The following MBD5 variants were observed in gnomAD, a reference collection of about 807,000 sequenced individuals.
MBD5 encodes the protein methyl-CpG-binding domain protein 5.
In MBD5, 13 loss-of-function variants were observed where a neutral mutation model predicts 117.3. The observed-to-expected ratio is 0.11, with a 90% confidence interval of 0.07 to 0.18. MBD5 has a LOEUF of 0.18. MBD5 is among the 10% of genes least tolerant of loss of function. The pLI, the probability that MBD5 is intolerant of heterozygous loss-of-function variation, is 1.00. For missense variants in MBD5, 1,879 were observed against 2,093.8 expected (o/e 0.90, Z 2.00); for synonymous variants, 727 against 766.4 (o/e 0.95, Z 0.85).
At chr2:148,123,087 C>G (rs62183891) in intron 1 of MBD5, among the ~76,000 whole-genome samples, 1 of 152,174 alleles carries the variant, frequency 6.6e-6, no homozygotes, top group African/African-American at 2.4e-5. Flanking sequence ...TATCTTTTAC[C>G]TCCAATCCTA....
At chr2:148,244,912 A>C (rs1350728734) in intron 3 of MBD5, among the ~76,000 whole-genome samples, 1 of 152,180 alleles carries the variant, frequency 6.6e-6, no homozygotes, top group Non-Finnish European at 1.5e-5. Context: ...AACTGTAAAA[A>C]GTTACTACAT....
rs567216360 is a variant in MBD5, at chr2:148,034,739, CATT to C, written c.-925+13056_-925+13058del. Among the ~76,000 whole-genome samples, 203 of 152,268 alleles carry C rather than the reference CATT, an allele frequency of 1.3e-3. 1 individual carries two copies. Among genetic ancestry groups the C allele is most frequent in the African/African-American group, 4.5e-3 (187 of 41,560 alleles). ...AAGAATACAAAAGTGAGACAAACAT[CATT>C]TTCTTTTGTTGCATCCTTAGCGGCT... On this transcript the variant is annotated intron_variant, in intron 1 of 13. Coordinates refer to ENST00000642680, the MANE Select transcript of MBD5 (RefSeq NM_001378120.1).
intron 7 of MBD5, 36 bp from the exon 8 acceptor site, chr2:148,468,305 C>T (rs1388323427): frequency 6.4e-7 from 1 of 1,573,380 alleles, no homozygotes; most frequent in East Asian, 2.2e-5. Flanking sequence ...AGAGTTGAGA[C>T]TGTTAACAGA....
At chr2:148,376,619 A>C (rs1261690060) in intron 4 of MBD5, among the ~76,000 whole-genome samples, 4 of 148,448 alleles carry the variant, frequency 2.7e-5, no homozygotes, top group Non-Finnish European at 5.9e-5. Flanking sequence ...TATGAAGAAA[A>C]AAATTGTCTT....
intron 1 of MBD5, among the ~76,000 whole-genome samples, chr2:148,081,195 T>C (rs1396559555): frequency 1.3e-5 from 2 of 152,172 alleles, no homozygotes; most frequent in African/African-American, 2.4e-5. Context: ...AAATGTTAAC[T>C]TGTTTATTGT....
chr2:148,322,849 T>C (rs983209079), intron 3 of MBD5, among the ~76,000 whole-genome samples: 1 of 151,900 alleles, frequency 6.6e-6, no homozygotes, highest in African/African-American at 2.4e-5. Flanking sequence ...TATTTATTTA[T>C]TTATTATTAT....
intron 2 of MBD5, among the ~76,000 whole-genome samples, chr2:148,216,953 T>A (rs1317361568): frequency 6.6e-6 from 1 of 152,212 alleles, no homozygotes; most frequent in African/African-American, 2.4e-5. Context: ...AAAATAGGCA[T>A]CTGACAAAAG....
chr2:148,023,238 T>C, intron 1 of MBD5, among the ~76,000 whole-genome samples: 1 of 152,138 alleles, frequency 6.6e-6, no homozygotes, highest in East Asian at 1.9e-4. Flanking sequence ...GAAATATAAA[T>C]CTAGAAGGAT....
chr2:148,510,015 T>A (rs1682169311), intron 12 of MBD5, 45 bp from the exon 13 acceptor site: 2 of 1,425,536 alleles, frequency 1.4e-6, no homozygotes, highest in African/African-American at 2.8e-5. Context: ...TTGAGTTTTG[T>A]TTCTTTAATT....
chr2:148,090,528 A>G (rs1235372968), intron 1 of MBD5, among the ~76,000 whole-genome samples: 1 of 152,140 alleles, frequency 6.6e-6, no homozygotes, highest in African/African-American at 2.4e-5. Context: ...GGATGCAGGG[A>G]TGGTTTAACA....
intron 3 of MBD5, among the ~76,000 whole-genome samples, chr2:148,287,055 A>G (rs1701383608): frequency 6.6e-6 from 1 of 152,030 alleles, no homozygotes; most frequent in Non-Finnish European, 1.5e-5. Flanking sequence ...TTTTTGCAAA[A>G]ATATTCAGAG....
At chr2:148,427,139 A>AAC (rs1705820618) in intron 4 of MBD5, among the ~76,000 whole-genome samples, 1 of 152,196 alleles carries the variant, frequency 6.6e-6, no homozygotes. Context: ...AATCATTAAA[A>AAC]AGTCAGGAAA....
rs751437661 is a variant in MBD5, at chr2:148,228,631, GT to G, written c.-830-4612del. On this transcript the variant is annotated intron_variant, in intron 2 of 13. Transcript: ENST00000642680. Reference sequence around the variant, plus strand: ...GGATGATGCTGGCCTCATAAAATGAGTTAGGGAGGATTCCCTCTTTTTCTGT... The same window carrying G: ...GGATGATGCTGGCCTCATAAAATGAGTAGGGAGGATTCCCTCTTTTTCTGT... 7.2e-5 allele frequency among the ~76,000 whole-genome samples: 11 copies of G among 152,330 alleles called. No individual in the cohort carries two copies. The South Asian group carries it at 1.9e-3, about 26-fold the overall frequency.
intron 3 of MBD5, among the ~76,000 whole-genome samples, chr2:148,335,815 A>G (rs1236586329): frequency 6.6e-6 from 1 of 152,214 alleles, no homozygotes; most frequent in Non-Finnish European, 1.5e-5. Context: ...TGCTTTGTAT[A>G]TTTTATTGTC....
intron 1 of MBD5, among the ~76,000 whole-genome samples, chr2:148,067,913 G>A (rs545535595): frequency 1.3e-5 from 2 of 152,212 alleles, no homozygotes; most frequent in Non-Finnish European, 2.9e-5. Context: ...GATAAGGGTA[G>A]TATGTCAACT....
chr2:148,222,602 T>A (rs905402552), intron 2 of MBD5, among the ~76,000 whole-genome samples: 1 of 152,044 alleles, frequency 6.6e-6, no homozygotes, highest in African/African-American at 2.4e-5. Context: ...TGTAGGTGGA[T>A]TTTATATCCT....
At chr2:148,226,130 TA>T (rs1699811543) in intron 2 of MBD5, among the ~76,000 whole-genome samples, 1 of 152,126 alleles carries the variant, frequency 6.6e-6, no homozygotes, top group Non-Finnish European at 1.5e-5. Flanking sequence ...TTCATTATTA[TA>T]CTTTAAGTTT....
chr2:148,217,446 A>T (rs1450376197), intron 2 of MBD5, among the ~76,000 whole-genome samples: 2 of 152,192 alleles, frequency 1.3e-5, no homozygotes, highest in Non-Finnish European at 2.9e-5. Context: ...TCAGCTCTTC[A>T]TGGAAGCACT....
chr2:148,376,831 T>TAA (rs1704003959), intron 4 of MBD5, among the ~76,000 whole-genome samples: 1 of 91,100 alleles, frequency 1.1e-5, no homozygotes, highest in South Asian at 4.1e-4. Flanking sequence ...ATAATATATA[T>TAA]AACATATATA....
Sources: allele counts gnomAD v4.1 joint callset (sites outside exome capture counted in the v4.1 genomes callset), GRCh38; gene constraint gnomAD v4.1.1; transcripts MANE v1.5; gene names NCBI Gene and HGNC (gene_info 2026-07-23, HGNC 2026-07-21).